PTPRD: variants seen among roughly 807,000 people sequenced by gnomAD.
The protein encoded by PTPRD is receptor-type tyrosine-protein phosphatase delta.
In PTPRD, 34 loss-of-function variants were observed where a neutral mutation model predicts 214.5. That is an observed-to-expected ratio of 0.16 (90% CI 0.12 to 0.21). The LOEUF (loss-of-function observed/expected upper bound fraction) is 0.21. Among genes scored for constraint, PTPRD ranks in the 10% least tolerant of loss-of-function variants. The probability of loss-of-function intolerance (pLI) is 1.00; values close to 1 mark genes in which losing one functional copy is unlikely to be tolerated. For missense variants in PTPRD, 2,545 were observed against 2,398.7 expected, an observed-to-expected ratio of 1.06 and a Z score of -1.27; for synonymous variants, 1,128 against 845.7, an observed-to-expected ratio of 1.33 and a Z score of -5.79.
chr9:9,767,247 T>A (rs1268381138), intron 5 of PTPRD, among the ~76,000 whole-genome samples: 2 of 152,016 alleles, frequency 1.3e-5, no homozygotes, highest in African/African-American at 2.4e-5. Flanking sequence ...GCAGGTTAAA[T>A]AGATTTTATA....
chr9:9,072,239 G>A (rs1015555283), intron 10 of PTPRD, among the ~76,000 whole-genome samples: 1 of 149,920 alleles, frequency 6.7e-6, no homozygotes, highest in Non-Finnish European at 1.5e-5. Context: ...TAGAATCTCA[G>A]AAAGAAAAGA....
chr9:8,594,482 A>T (rs966614616), intron 14 of PTPRD, among the ~76,000 whole-genome samples: 8 of 152,134 alleles, frequency 5.3e-5, no homozygotes, highest in African/African-American at 1.9e-4. Flanking sequence ...AAATCCACCT[A>T]ATCATTTGAT....
At chr9:8,812,687 A>C (rs1460979098) in intron 11 of PTPRD, among the ~76,000 whole-genome samples, 1 of 152,056 alleles carries the variant, frequency 6.6e-6, no homozygotes, top group East Asian at 1.9e-4. Context: ...AGCCAATGCC[A>C]TAGCAAGGTG....
At chr9:8,391,182 A>T (rs1424741398) in intron 36 of PTPRD, among the ~76,000 whole-genome samples, 1 of 152,004 alleles carries the variant, frequency 6.6e-6, no homozygotes, top group African/African-American at 2.4e-5. Context: ...CCAAGCTCAA[A>T]TTGTTATATT....
chr9:10,344,809 A>G (rs1597618630), intron 2 of PTPRD, among the ~76,000 whole-genome samples: 2 of 152,140 alleles, frequency 1.3e-5, no homozygotes, highest in African/African-American at 4.8e-5. Context: ...GAGTTCACGC[A>G]TGATTTGGTT....
rs1024988527 is a variant in PTPRD at position 10,501,549 on chromosome 9, C to G, written c.-600+110849G>C. Among the ~76,000 whole-genome samples the G allele has an allele frequency of 9.2e-5, 14 of 151,976 alleles. No homozygotes were observed. The Middle Eastern group carries it at 0.024, about 258-fold the overall frequency. The stretch of plus-strand genomic sequence containing the variant: ...TGAGATCTACCTAATCACTCACACC[C>G]AGCAGATTTAACTGACCTTAAAGTT... On this transcript the variant is annotated intron_variant, in intron 2 of 45. Coordinates refer to ENST00000381196, the MANE Select transcript of PTPRD (RefSeq NM_002839.4).
At chr9:8,594,305 C>A (rs76612209) in intron 14 of PTPRD, among the ~76,000 whole-genome samples, 3,670 of 152,172 alleles carry the variant, frequency 0.024, 149 homozygotes, top group African/African-American at 0.084. Context: ...TCTCACTTTT[C>A]TATAATAGAA....
chr9:10,139,700 CA>C (rs1178190975), intron 3 of PTPRD, among the ~76,000 whole-genome samples: 2 of 152,008 alleles, frequency 1.3e-5, no homozygotes, highest in Non-Finnish European at 2.9e-5. Context: ...ACACACTGGC[CA>C]GTGGAACAGA....
chr9:9,759,412 A>C (rs1295392971), intron 6 of PTPRD, among the ~76,000 whole-genome samples: 1 of 152,142 alleles, frequency 6.6e-6, no homozygotes, highest in East Asian at 1.9e-4. Flanking sequence ...ACAGCTGAGG[A>C]GCCTCCCAGT....
At chr9:9,151,955 A>G (rs2099877163) in intron 10 of PTPRD, among the ~76,000 whole-genome samples, 1 of 152,166 alleles carries the variant, frequency 6.6e-6, no homozygotes, top group Admixed American at 6.5e-5. Flanking sequence ...TTTTTCAATC[A>G]CTTAGGGACT....
intron 11 of PTPRD, among the ~76,000 whole-genome samples, chr9:8,766,535 TTATC>T (rs1428727552): frequency 6.6e-6 from 1 of 152,126 alleles, no homozygotes; most frequent in Non-Finnish European, 1.5e-5. Context: ...AATTAATAAT[TTATC>T]TATAATCATA....
intron 5 of PTPRD, among the ~76,000 whole-genome samples, chr9:9,847,855 C>T (rs1407931970): frequency 6.6e-6 from 1 of 152,060 alleles, no homozygotes; most frequent in Admixed American, 6.6e-5. Flanking sequence ...TTCCACTGAT[C>T]CAGCTGAGAT....
chr9:9,265,907 T>C (rs1204311940), intron 9 of PTPRD, among the ~76,000 whole-genome samples: 1 of 151,388 alleles, frequency 6.6e-6, no homozygotes, highest in Non-Finnish European at 1.5e-5. Context: ...TAAATGTAAA[T>C]AAATTACATT....
chr9:9,300,629 C>A (rs749817984), intron 9 of PTPRD, among the ~76,000 whole-genome samples: 1 of 151,718 alleles, frequency 6.6e-6, no homozygotes. Flanking sequence ...AAAGGGACAT[C>A]AGAGAGCTCT....
intron 9 of PTPRD, among the ~76,000 whole-genome samples, chr9:9,352,898 T>C (rs577316951): frequency 6.6e-6 from 1 of 152,138 alleles, no homozygotes; most frequent in East Asian, 1.9e-4. Flanking sequence ...GTTCACTCAG[T>C]GTTTTTATAG....
chr9:8,425,233 A>C (rs968651768), intron 35 of PTPRD, among the ~76,000 whole-genome samples: 2 of 152,082 alleles, frequency 1.3e-5, no homozygotes, highest in African/African-American at 4.8e-5. Flanking sequence ...CATTGTTAAA[A>C]TTTTCCCCGA....
intron 45 of PTPRD, among the ~76,000 whole-genome samples, chr9:8,318,568 A>G (rs552396428): frequency 6.6e-6 from 1 of 152,188 alleles, no homozygotes; most frequent in East Asian, 1.9e-4. Context: ...CTGGTGCGGC[A>G]CACCAGGCAC....
chr9:9,215,177 G>A (rs548252562), intron 9 of PTPRD, among the ~76,000 whole-genome samples: 35 of 152,288 alleles, frequency 2.3e-4, no homozygotes, highest in Non-Finnish European at 2.9e-4. Context: ...TCCTTTAGAA[G>A]TCATCTGCTG....
chr9:8,764,387 T>C (rs933078674), intron 11 of PTPRD, among the ~76,000 whole-genome samples: 6 of 152,204 alleles, frequency 3.9e-5, no homozygotes, highest in Non-Finnish European at 7.3e-5. Context: ...TTACCTTATG[T>C]TCCCAGTAAC....
Sources: allele counts gnomAD v4.1 joint callset (sites outside exome capture counted in the v4.1 genomes callset), GRCh38; gene constraint gnomAD v4.1.1; transcripts MANE v1.5; gene names NCBI Gene and HGNC (gene_info 2026-07-23, HGNC 2026-07-21).